Variants in PLEKHA5 observed in about 807,000 individuals in gnomAD.
The protein encoded by PLEKHA5 is pleckstrin homology domain containing A5.
PLEKHA5 carries 55 observed loss-of-function variants against 181.9 expected under a neutral mutation model. The observed-to-expected ratio is 0.30, with a 90% confidence interval of 0.24 to 0.38. The LOEUF is 0.38. Ranked by LOEUF, PLEKHA5 falls within the 10% of genes least tolerant of loss-of-function variation. The pLI is 1.00. For missense variants in PLEKHA5, 1,432 were observed against 1,549.5 expected (o/e 0.92, Z 1.27); for synonymous variants, 535 against 529.4 (o/e 1.01, Z -0.15).
chr12:19,314,482 C>A (rs1265885314), intron 15 of PLEKHA5, among the ~76,000 whole-genome samples: 2 of 151,938 alleles, frequency 1.3e-5, no homozygotes, highest in Non-Finnish European at 2.9e-5. Flanking sequence ...TAGGTTCTCA[C>A]CCTTTAGTTT....
intron 5 of PLEKHA5, among the ~76,000 whole-genome samples, chr12:19,255,859 C>A (rs2066722345): frequency 6.9e-5 from 8 of 115,920 alleles, no homozygotes; most frequent in South Asian, 2.8e-4. Flanking sequence ...AAAAACAAAA[C>A]TAAGAAAAAA....
chr12:19,326,655 G>C (rs1446505922), intron 20 of PLEKHA5, among the ~76,000 whole-genome samples: 1 of 152,098 alleles, frequency 6.6e-6, no homozygotes, highest in Non-Finnish European at 1.5e-5. Flanking sequence ...CTGAGGTTTG[G>C]AGTATGAATG....
chr12:19,291,618 CT>C, intron 14 of PLEKHA5, 25 bp from the exon 15 acceptor site: 12 of 1,411,244 alleles, frequency 8.5e-6, no homozygotes, highest in Middle Eastern at 1.7e-4. Flanking sequence ...TTCTCTGTCC[CT>C]TTTTTCTTAA....
rs747812464 is a variant in PLEKHA5, at chr12:19,336,554, T to C, written c.2488T>C (p.Tyr830His). 5 of 1,609,612 alleles carry C rather than the reference T, an allele frequency of 3.1e-6. No individual in the cohort carries two copies. In the South Asian group the frequency reaches 4.4e-5, roughly 14 times the overall value. Residue 830 changes from tyrosine to histidine, a missense_variant, in exon 21 of 32, where the codon TAC becomes CAC. Coordinates refer to ENST00000429027, the MANE Select transcript of PLEKHA5 (RefSeq NM_001256470.2). Reference protein sequence around the residue: ...RAWREYDKLEYDVTVTRNQMQ... With the variant: ...RAWREYDKLEHDVTVTRNQMQ... ...ATGGAGAGAATATGATAAGTTAGAATACGATGTAACTGTTACCAGGAACCA... is the reference window on the plus strand; with the variant it reads ...ATGGAGAGAATATGATAAGTTAGAACACGATGTAACTGTTACCAGGAACCA...
intron 16 of PLEKHA5, among the ~76,000 whole-genome samples, chr12:19,316,319 A>G (rs1683549318): frequency 6.6e-6 from 1 of 152,056 alleles, no homozygotes; most frequent in Admixed American, 6.6e-5. Flanking sequence ...TATAATGCTC[A>G]ACATTCATGG....
At chr12:19,306,819 AAC>A in intron 15 of PLEKHA5, 1 of 816,100 alleles carries the variant, frequency 1.2e-6, no homozygotes, top group Non-Finnish European at 2.2e-6. Context: ...ATGTCTGACA[AAC>A]ACTGTATTCC....
At chr12:19,306,735 C>T (rs1047446144) in intron 15 of PLEKHA5, 4 of 1,215,132 alleles carry the variant, frequency 3.3e-6, no homozygotes, top group Middle Eastern at 1.9e-4. Flanking sequence ...CACACCTCTT[C>T]CCGCCGGATA....
chr12:19,139,435 A>T (rs2036659645), intron 3 of PLEKHA5, among the ~76,000 whole-genome samples: 1 of 152,174 alleles, frequency 6.6e-6, no homozygotes, highest in South Asian at 2.1e-4. Flanking sequence ...CCCCTATCCT[A>T]TCTCAGCTAC....
At chr12:19,215,251 T>G (rs1258747141) in intron 3 of PLEKHA5, among the ~76,000 whole-genome samples, 1 of 152,216 alleles carries the variant, frequency 6.6e-6, no homozygotes, top group African/African-American at 2.4e-5. Flanking sequence ...TGGAACTTCC[T>G]TGTCAGTTTA....
chr12:19,247,262 G>C (rs2063986472), intron 3 of PLEKHA5, among the ~76,000 whole-genome samples: 1 of 152,156 alleles, frequency 6.6e-6, no homozygotes, highest in Admixed American at 6.5e-5. Flanking sequence ...TTTAAACCTG[G>C]TAAATTGCTC....
chr12:19,216,420 T>G lies in PLEKHA5; in HGVS notation c.228-37520T>G, dbSNP rs950518481. Reference sequence around the variant, plus strand: ...GCTCATGCCTGTAATCCCAGCACTTTAGGAGGCCAAGGTGGGCAGATCATT... The same window carrying G: ...GCTCATGCCTGTAATCCCAGCACTTGAGGAGGCCAAGGTGGGCAGATCATT... On this transcript the variant is annotated intron_variant, in intron 3 of 31. Transcript: ENST00000429027. 2.0e-5 allele frequency among the ~76,000 whole-genome samples: 3 copies of G among 152,264 alleles called. No individual in the cohort carries two copies. In the East Asian group the frequency reaches 5.8e-4, roughly 29 times the overall value.
At chr12:19,365,786 T>C (rs2095408188) in intron 29 of PLEKHA5, among the ~76,000 whole-genome samples, 178 bp from the exon 30 acceptor site, 1 of 152,192 alleles carries the variant, frequency 6.6e-6, no homozygotes, top group East Asian at 1.9e-4. Context: ...GAAATGAATA[T>C]ACAGGTTTAT....
At chr12:19,157,356 A>G (rs2042008771) in intron 3 of PLEKHA5, among the ~76,000 whole-genome samples, 1 of 152,216 alleles carries the variant, frequency 6.6e-6, no homozygotes, top group Non-Finnish European at 1.5e-5. Flanking sequence ...CATGAACTTC[A>G]TGATTTATTT....
chr12:19,368,810 T>C (rs187388102), intron 30 of PLEKHA5, among the ~76,000 whole-genome samples: 31 of 151,966 alleles, frequency 2.0e-4, no homozygotes, highest in Admixed American at 1.7e-3. Flanking sequence ...ATGAATAAGG[T>C]AGTGTGCACA....
intron 2 of PLEKHA5, among the ~76,000 whole-genome samples, chr12:19,131,576 A>G (rs1326968915): frequency 6.6e-6 from 1 of 152,172 alleles, no homozygotes; most frequent in African/African-American, 2.4e-5. Flanking sequence ...TAATTATCCT[A>G]TGGAATTATG....
intron 12 of PLEKHA5, among the ~76,000 whole-genome samples, chr12:19,285,658 C>A (rs1025579852): frequency 6.6e-6 from 1 of 152,184 alleles, no homozygotes; most frequent in African/African-American, 2.4e-5. Flanking sequence ...GGCAGTGGAT[C>A]CAGACTATGC....
chr12:19,139,527 A>G (rs1185704297), intron 3 of PLEKHA5, among the ~76,000 whole-genome samples: 1 of 152,222 alleles, frequency 6.6e-6, no homozygotes, highest in Non-Finnish European at 1.5e-5. Flanking sequence ...ACAAATGCTT[A>G]TTGAATATTT....
At chr12:19,172,244 A>G (rs1012996216) in intron 3 of PLEKHA5, among the ~76,000 whole-genome samples, 5 of 152,206 alleles carry the variant, frequency 3.3e-5, no homozygotes, top group Non-Finnish European at 7.3e-5. Flanking sequence ...GCATTGTGGT[A>G]TGATATTATG....
intron 15 of PLEKHA5, among the ~76,000 whole-genome samples, chr12:19,312,247 A>G (rs2086804621): frequency 6.6e-6 from 1 of 152,236 alleles, no homozygotes; most frequent in African/African-American, 2.4e-5. Flanking sequence ...GATTTTCACA[A>G]TAGTAAATGA....
Sources: gnomAD v4.1 joint callset for allele counts (sites outside exome capture counted in the v4.1 genomes callset) on GRCh38, gnomAD v4.1.1 for gene constraint, MANE v1.5 for transcripts, NCBI Gene and HGNC (gene_info 2026-07-23, HGNC 2026-07-21) for gene names.